Variants in TET2 observed in about 807,000 individuals in gnomAD.
TET2 encodes tet methylcytosine dioxygenase 2, also known as methylcytosine dioxygenase TET2.
TET2 carries 299 observed loss-of-function variants against 142.9 expected under a neutral mutation model. The observed-to-expected ratio is 2.09, with a 90% CI of 1.90 to 2.30. The LOEUF (loss-of-function observed/expected upper bound fraction) is 2.30, where lower values mean the gene tolerates loss of function less well. Ranked by LOEUF, TET2 falls within the 30% of genes most tolerant of loss-of-function variation. The probability of loss-of-function intolerance (pLI) is 0.00; values close to 1 mark genes in which losing one functional copy is unlikely to be tolerated. For synonymous variants in TET2, 819 were observed against 849.0 expected (o/e 0.96, Z 0.61); for missense variants, 2,418 against 2,378.0 (o/e 1.02, Z -0.35).
intron 2 of TET2, among the ~76,000 whole-genome samples, chr4:105,206,779 A>G (rs1441703427): frequency 6.6e-6 from 1 of 152,166 alleles, no homozygotes; most frequent in Non-Finnish European, 1.5e-5. Context: ...GGGCTTAGAT[A>G]TCTGCTCATA....
chr4:105,161,829 A>G (rs1207857441), intron 1 of TET2, among the ~76,000 whole-genome samples: 1 of 152,218 alleles, frequency 6.6e-6, no homozygotes, highest in African/African-American at 2.4e-5. Flanking sequence ...TCTGTGTATT[A>G]TAAAATATCA....
intron 1 of TET2, among the ~76,000 whole-genome samples, chr4:105,189,228 T>C (rs1021087931): frequency 6.6e-6 from 1 of 152,048 alleles, no homozygotes; most frequent in Non-Finnish European, 1.5e-5. Flanking sequence ...TCTTACCAGA[T>C]TTTTTTGAGT....
At chr4:105,147,523 G>A (rs1723084025) in intron 1 of TET2, 1 of 152,176 alleles carries the variant, frequency 6.6e-6, no homozygotes. Flanking sequence ...CCCTTTAGGG[G>A]GCTGTACGAA....
rs751576353 is a variant in TET2, at chr4:105,275,685, C to T, written c.5175C>T (p.Pro1725=). Residue 1725 remains proline, a synonymous_variant, in exon 11 of 11, where the codon CCC becomes CCT. Transcript: ENST00000380013. ...VHHVGKLPPY[P]THEMDGHFMG... Reference sequence around the variant, plus strand: ...ATGTAGGGAAATTGCCTCCTTATCCCACTCATGAGATGGATGGCCACTTCA... The same window carrying T: ...ATGTAGGGAAATTGCCTCCTTATCCTACTCATGAGATGGATGGCCACTTCA... 6.4e-7 allele frequency: 1 copy of T among 1,551,842 alleles called. No homozygotes were observed. Among genetic ancestry groups the T allele is most frequent in the South Asian group, 1.2e-5 (1 of 84,054 alleles).
At chr4:105,204,228 A>AAT (rs546941547) in intron 2 of TET2, among the ~76,000 whole-genome samples, 4 of 121,344 alleles carry the variant, frequency 3.3e-5, no homozygotes, top group East Asian at 2.4e-4. Context: ...AAAAAAAAAA[A>AAT]ATATATACAC....
rs1428406663 is a variant in TET2 at position 105,269,865 on chromosome 4, A to G, written c.4182+118A>G. 7 of 1,266,790 alleles carry G rather than the reference A, an allele frequency of 5.5e-6. No homozygotes were observed. The East Asian group carries it at 1.5e-4, about 28-fold the overall frequency. 78.5% of individuals were successfully genotyped at this position (1,266,790 alleles called of 1,614,324 possible). On this transcript the variant is annotated intron_variant, in intron 9 of 10. Coordinates refer to ENST00000380013, the MANE Select transcript of TET2 (RefSeq NM_001127208.3). Reference sequence around the variant, plus strand: ...AGAGATTTAATTGACTCACAGTTCCACATGGCTGTGGAGGCCTCACAATCA... The same window carrying G: ...AGAGATTTAATTGACTCACAGTTCCGCATGGCTGTGGAGGCCTCACAATCA...
chr4:105,227,371 C>T (rs967689081), intron 2 of TET2, among the ~76,000 whole-genome samples: 1 of 152,158 alleles, frequency 6.6e-6, no homozygotes. Flanking sequence ...AAAGACATTG[C>T]CATCCTCTTG....
chr4:105,216,652 A>G (rs567777069), intron 2 of TET2, among the ~76,000 whole-genome samples: 1 of 152,208 alleles, frequency 6.6e-6, no homozygotes, highest in African/African-American at 2.4e-5. Context: ...TTAAAGCAGA[A>G]CATTTATATG....
At chr4:105,146,272 G>T (rs1305755461), upstream of TET2, 3 of 152,444 alleles carry the variant, frequency 2.0e-5, no homozygotes, top group African/African-American at 7.2e-5. Context: ...AATCTTAGAT[G>T]TCACGTCTTT....
chr4:105,235,228 G>A lies in TET2; in HGVS notation c.1286G>A (p.Gly429Glu). 6.2e-7 allele frequency: 1 copy of A among 1,614,000 alleles called. No homozygotes were observed. Among genetic ancestry groups the A allele is most frequent in the Non-Finnish European group, 8.5e-7 (1 of 1,179,980 alleles). Residue 429 changes from glycine (G) to glutamate (E), a missense_variant, in exon 3 of 11, where the codon GGA becomes GAA. Physicochemically the swap from Gly to Glu is moderately conservative, Grantham distance 98. Transcript: ENST00000380013. ...GAAGGAAAAAGCACTCTGAATGGTGGAGTTTTAGAAGAACACCACCACTAC... is the reference window on the plus strand; with the variant it reads ...GAAGGAAAAAGCACTCTGAATGGTGAAGTTTTAGAAGAACACCACCACTAC... ...PSEGKSTLNG[G>E]VLEEHHHYPN...
intron 1 of TET2, among the ~76,000 whole-genome samples, chr4:105,159,590 A>G (rs568612626): frequency 8.5e-4 from 129 of 152,270 alleles, no homozygotes; most frequent in African/African-American, 3.0e-3. Flanking sequence ...GCAAACAACT[A>G]GTCATGCCAA....
At position 105,234,184 on chromosome 4, in the gene TET2, A is replaced by G. The variant is rs765003037; in HGVS notation, c.242A>G (p.Glu81Gly). The G allele has an allele frequency of 1.2e-6, 2 of 1,614,188 alleles. No homozygotes were observed. The highest frequency in any genetic ancestry group is 2.2e-5 in the South Asian group (2 of 91,086). Residue 81 changes from glutamate (E) to glycine (G), a missense_variant, in exon 3 of 11, where the codon GAA (glutamate) becomes GGA (glycine). Physicochemically the swap from Glu to Gly is moderately conservative, Grantham distance 98. Transcript: ENST00000380013. ...CGTGTGAGTCCTGACTTTACACAAG[A>G]AAGTAGAGGGTATTCCAAGTGTTTG... Reference protein sequence around the residue: ...NSRVSPDFTQESRGYSKCLQN... With the variant: ...NSRVSPDFTQGSRGYSKCLQN...
intron 8 of TET2, among the ~76,000 whole-genome samples, chr4:105,263,300 T>G (rs1730533933): frequency 6.6e-6 from 1 of 152,210 alleles, no homozygotes; most frequent in Non-Finnish European, 1.5e-5. Context: ...AATTCGTATT[T>G]TGAAAAATTT....
intron 2 of TET2, among the ~76,000 whole-genome samples, chr4:105,226,164 G>C (rs1193820779): frequency 1.3e-5 from 2 of 151,972 alleles, no homozygotes; most frequent in African/African-American, 4.8e-5. Context: ...CTTTAATTAT[G>C]CACTTGTCTT....
chr4:105,272,992 GCC>G, intron 10 of TET2, 74 bp downstream of exon 10: 1 of 1,265,130 alleles, frequency 7.9e-7, no homozygotes, highest in Non-Finnish European at 1.1e-6. Flanking sequence ...TTTTGGTTTT[GCC>G]CCCATCAACT....
In TET2 at chr4:105,236,425, G is replaced by A. The variant is rs371864789; in HGVS notation, c.2483G>A (p.Cys828Tyr). The change falls in exon 3 of 11, where the codon TGC becomes TAC. Residue 828 changes from cysteine to tyrosine, a missense_variant. Transcript: ENST00000380013. ...PYSQTMKSSA[C>Y]KIQVSCSNNT... The stretch of plus-strand genomic sequence containing the variant: ...AGTCAGACCATGAAATCAAGTGCAT[G>A]CAAAATACAGGTTTCTTGTTCAAAC... 14 of 1,614,026 alleles carry A rather than the reference G, an allele frequency of 8.7e-6. No individual in the cohort carries two copies. The highest frequency in any genetic ancestry group is 1.2e-5 in the Non-Finnish European group (14 of 1,179,988).
intron 1 of TET2, among the ~76,000 whole-genome samples, chr4:105,187,741 C>G (rs1725540467): frequency 6.6e-6 from 1 of 152,120 alleles, no homozygotes; most frequent in Admixed American, 6.5e-5. Context: ...CCAACTATTG[C>G]TTATACTTGA....
intron 2 of TET2, among the ~76,000 whole-genome samples, chr4:105,199,500 T>G (rs919227152): frequency 6.6e-6 from 1 of 152,206 alleles, no homozygotes; most frequent in Non-Finnish European, 1.5e-5. Context: ...TTAAGGAAAT[T>G]TATGGAAATC....
At position 105,237,257 on chromosome 4, in the gene TET2, A is replaced by G. The variant is rs766164338; in HGVS notation, c.3315A>G (p.Ile1105Met). ...CTGCTTCTGTTCTCAATAATTTTAT[A>G]GAGTCACCTTCCAAATTACTAGATA... Reference protein sequence around the residue: ...RTAASVLNNFIESPSKLLDTP... With the variant: ...RTAASVLNNFMESPSKLLDTP... Residue 1105 changes from isoleucine (I) to methionine (M), a missense_variant, in exon 3 of 11, where the codon ATA (isoleucine) becomes ATG (methionine). Coordinates refer to ENST00000380013, the MANE Select transcript of TET2 (RefSeq NM_001127208.3). The G allele has an allele frequency of 6.2e-7, 1 of 1,614,154 alleles. No individual in the cohort carries two copies. Among genetic ancestry groups the G allele is most frequent in the Admixed American group, 1.7e-5 (1 of 60,018 alleles).
Sources: allele counts gnomAD v4.1 joint callset (sites outside exome capture counted in the v4.1 genomes callset), GRCh38; gene constraint gnomAD v4.1.1; transcripts MANE v1.5; gene names NCBI Gene and HGNC (gene_info 2026-07-23, HGNC 2026-07-21).